The following PARP4 variants were observed in gnomAD, a reference collection of about 807,000 sequenced individuals.
The protein encoded by PARP4 is poly(ADP-ribose) polymerase family member 4.
PARP4 carries 120 observed loss-of-function variants against 187.7 expected under a neutral mutation model. The ratio of observed to expected loss-of-function variants is 0.64; its 90% confidence interval spans 0.55 to 0.74. The LOEUF (loss-of-function observed/expected upper bound fraction) is 0.74, where lower values mean the gene tolerates loss of function less well. Among genes scored for constraint, PARP4 ranks in the 30% least tolerant of loss-of-function variants. PARP4 has a pLI of 0.00. For synonymous variants in PARP4, 654 were observed against 740.9 expected (o/e 0.88, Z 1.90); for missense variants, 1,836 against 2,070.5 (o/e 0.89, Z 2.20).
intron 1 of PARP4, among the ~76,000 whole-genome samples, chr13:24,505,656 G>C (rs1869598485): frequency 6.6e-6 from 1 of 152,168 alleles, no homozygotes; most frequent in African/African-American, 2.4e-5. Flanking sequence ...AGCCTCCCGA[G>C]TAGCTGGGAT....
At chr13:24,482,667 A>G (rs1315102373) in intron 12 of PARP4, among the ~76,000 whole-genome samples, 1 of 151,832 alleles carries the variant, frequency 6.6e-6, no homozygotes, top group African/African-American at 2.4e-5. Flanking sequence ...TTTTTTTTTT[A>G]AACACAATGC....
intron 33 of PARP4, among the ~76,000 whole-genome samples, chr13:24,425,587 C>CTATATATA (rs1221189762): frequency 3.0e-4 from 35 of 118,486 alleles, no homozygotes; most frequent in Non-Finnish European, 1.4e-4. Context: ...ATATCTATAT[C>CTATATATA]TATATCTATA....
chr13:24,503,523 G>C (rs1869427654), intron 2 of PARP4, 122 bp downstream of exon 2: 2 of 1,191,410 alleles, frequency 1.7e-6, no homozygotes, highest in Admixed American at 1.9e-5. Context: ...CTCTCCTGAT[G>C]AACTTCGAGT....
intron 10 of PARP4, among the ~76,000 whole-genome samples, chr13:24,489,451 T>A (rs1235608343): frequency 6.6e-6 from 1 of 151,722 alleles, no homozygotes; most frequent in Non-Finnish European, 1.5e-5. Flanking sequence ...CTACTAAAAA[T>A]ACAAAAATTA....
At chr13:24,499,409 C>CA (rs768106224) in intron 4 of PARP4, 33 bp from the exon 5 acceptor site, 6 of 1,514,174 alleles carry the variant, frequency 4.0e-6, no homozygotes, top group Non-Finnish European at 5.3e-6. Flanking sequence ...AAAATTTTAA[C>CA]ATTAAATGGA....
At chr13:24,426,868 G>T (rs1870080543) in intron 32 of PARP4, among the ~76,000 whole-genome samples, 1 of 140,104 alleles carries the variant, frequency 7.1e-6, no homozygotes, top group East Asian at 2.1e-4. Flanking sequence ...CTCCAGCCTG[G>T]GCGACAGAGT....
intron 33 of PARP4, among the ~76,000 whole-genome samples, chr13:24,422,428 A>C (rs1257794990): frequency 6.6e-6 from 1 of 152,198 alleles, no homozygotes; most frequent in Non-Finnish European, 1.5e-5. Context: ...TGCTGAAAAC[A>C]ACAAAACTGG....
intron 30 of PARP4, among the ~76,000 whole-genome samples, chr13:24,439,862 C>T (rs777680491): frequency 2.6e-5 from 4 of 152,282 alleles, no homozygotes; most frequent in Admixed American, 6.5e-5. Context: ...CTTAGCCCCT[C>T]GCTTTCCTTC....
rs768760435 is a variant in PARP4, at chr13:24,455,177, G to A, written c.2598C>T (p.Val866=). The A allele has an allele frequency of 4.4e-6, 7 of 1,597,634 alleles. No homozygotes were observed. Among genetic ancestry groups the A allele is most frequent in the Non-Finnish European group, 6.0e-6 (7 of 1,166,964 alleles). The change falls in exon 22 of 34, where the codon GTC becomes GTT. Residue 866 remains valine (V), a synonymous_variant. Transcript: ENST00000381989. The stretch of plus-strand genomic sequence containing the variant: ...TCTCACTGGCTAGGTCAGGGAGGTC[G>A]ACATCGAGATCGGGTTGAAAGACAA... ...CMLVFQPDLD[V]DLPDLASESE... is the part of the protein sequence containing the mutation.
intron 2 of PARP4, among the ~76,000 whole-genome samples, chr13:24,502,861 A>G (rs1272956432): frequency 1.3e-5 from 2 of 152,234 alleles, no homozygotes; most frequent in Admixed American, 1.3e-4. Context: ...CATTTCTGGT[A>G]TTCAGCTGGA....
At chr13:24,510,553 C>CAAAAAAAAAAAAAAA (rs61708412) in intron 1 of PARP4, among the ~76,000 whole-genome samples, 1 of 89,258 alleles carries the variant, frequency 1.1e-5, no homozygotes, top group Non-Finnish European at 2.1e-5. Flanking sequence ...GACTCCGTCT[C>CAAAAAAAAAAAAAAA]AAAAAAAAAA....
rs1212485505 is a variant in PARP4 at position 24,484,503 on chromosome 13, C to G, written c.1448+150G>C. The G allele has an allele frequency of 2.0e-5, 12 of 600,936 alleles. No individual in the cohort carries two copies. In the Admixed American group the frequency reaches 3.2e-4, roughly 16 times the overall value. The allele number at this position is 600,936 out of a possible 1,614,324, so 37.2% of individuals were successfully genotyped here. A position where few individuals can be genotyped will look rare whatever the true frequency, so the allele number is the denominator to read the frequency against. ...GCAGATTTAAACATTATCAAGGATG[C>G]TGAAGATGAAATAGTATTCCAGCCA... On this transcript the variant is annotated intron_variant, in intron 12 of 33. Transcript: ENST00000381989.
chr13:24,434,954 T>C lies in PARP4; in HGVS notation c.4187A>G (p.Tyr1396Cys), dbSNP rs781488042. ...GPPQNPPSSP[Y>C]CGIVFSGSSL... ...GCTCCCTGAAAAAACAATGCCACAA[T>C]AGGGTGAAGAAGGTGGGTTCTGGGG... The change falls in exon 31 of 34, where the codon TAT becomes TGT. Residue 1396 changes from tyrosine to cysteine, a missense_variant. Around this residue, in one of 8 missense-constraint regions of PARP4, gnomAD observed 450 missense variants for 439.2 expected, o/e 1.02. Coordinates refer to ENST00000381989, the MANE Select transcript of PARP4 (RefSeq NM_006437.4). 6 of 1,613,626 alleles carry C rather than the reference T, an allele frequency of 3.7e-6. No individual in the cohort carries two copies. Among genetic ancestry groups the C allele is most frequent in the East Asian group, 2.2e-5 (1 of 44,834 alleles).
At chr13:24,452,148 G>C in intron 24 of PARP4, 1 of 394,686 alleles carries the variant, frequency 2.5e-6, no homozygotes, top group Non-Finnish European at 4.5e-6. Context: ...AATCCTAGGA[G>C]GTAGGTATTT....
At chr13:24,455,503 A>ATG (rs1565999161) in intron 21 of PARP4, among the ~76,000 whole-genome samples, 4 of 136,798 alleles carry the variant, frequency 2.9e-5, no homozygotes, top group African/African-American at 1.1e-4. Context: ...ATATATATAT[A>ATG]TATCACACTA....
chr13:24,449,882 A>C (rs966209717), intron 24 of PARP4, 65 bp from the exon 25 acceptor site: 1 of 983,038 alleles, frequency 1.0e-6, no homozygotes, highest in Non-Finnish European at 1.6e-6. Flanking sequence ...ACATGTTAAC[A>C]GTGTTGAGAA....
chr13:24,430,551 G>A (rs1202278569), intron 32 of PARP4, among the ~76,000 whole-genome samples: 1 of 151,350 alleles, frequency 6.6e-6, no homozygotes, highest in Non-Finnish European at 1.5e-5. Context: ...CTACTCAGGA[G>A]GCTTAGGTGG....
At chr13:24,422,897 G>A (rs1382892114) in intron 33 of PARP4, among the ~76,000 whole-genome samples, 2 of 152,128 alleles carry the variant, frequency 1.3e-5, no homozygotes, top group Admixed American at 1.3e-4. Flanking sequence ...GTGAGTCACC[G>A]TGTCTGGCCT....
At chr13:24,466,789 T>A (rs1593620688) in intron 17 of PARP4, among the ~76,000 whole-genome samples, 1 of 85,230 alleles carries the variant, frequency 1.2e-5, no homozygotes, top group African/African-American at 4.9e-5. Flanking sequence ...ACAGTGAGAC[T>A]CTGTCTCAAA....
Sources: gnomAD v4.1 joint callset for allele counts (sites outside exome capture counted in the v4.1 genomes callset) on GRCh38, gnomAD v4.1.1 for gene constraint, gnomAD v4.1.1 regional missense constraint, MANE v1.5 for transcripts, NCBI Gene and HGNC (gene_info 2026-07-23, HGNC 2026-07-21) for gene names.